The following AFAP1 variants were observed in gnomAD, a reference collection of about 807,000 sequenced individuals.
AFAP1 encodes actin filament associated protein 1.
Under a neutral mutation model 93.9 loss-of-function variants are expected in AFAP1, and 75 were observed. That is an observed-to-expected ratio of 0.80 (90% confidence interval 0.66 to 0.97). AFAP1 has a LOEUF of 0.97. AFAP1 is among the 50% of genes least tolerant of loss of function. The probability of loss-of-function intolerance (pLI) is 0.00; values close to 1 mark genes in which losing one functional copy is unlikely to be tolerated. For missense variants in AFAP1, 1,201 were observed against 1,050.8 expected (o/e 1.14, Z -1.98); for synonymous variants, 517 against 430.7 (o/e 1.20, Z -2.48).
At chr4:7,792,671 T>C (rs1011774648) in intron 11 of AFAP1, among the ~76,000 whole-genome samples, 2 of 152,152 alleles carry the variant, frequency 1.3e-5, no homozygotes, top group African/African-American at 4.8e-5. Flanking sequence ...ACAGGACCAC[T>C]GTCATTGGAC....
At chr4:7,917,575 G>A (rs773450872) in intron 1 of AFAP1, among the ~76,000 whole-genome samples, 1 of 152,146 alleles carries the variant, frequency 6.6e-6, no homozygotes, top group Non-Finnish European at 1.5e-5. Context: ...GATGCATGAA[G>A]AAGGCCGAAA....
Position 7,872,254 on chromosome 4 carries a change from T to C in AFAP1, c.-2-174A>G, listed in dbSNP as rs374377887. 73 of 717,646 alleles carry C rather than the reference T, an allele frequency of 1.0e-4. No homozygotes were observed. The East Asian group carries it at 1.8e-3, about 17-fold the overall frequency. 44.5% of individuals were successfully genotyped at this position (717,646 alleles called of 1,614,324 possible). On this transcript the variant is annotated intron_variant, in intron 1 of 17. Coordinates refer to ENST00000420658, the MANE Select transcript of AFAP1 (RefSeq NM_001134647.2). ...TCCACTAAAAGATTCAGGCGTCTTCTTCTTAACAAATGCACTACTCCTTTG... is the reference window on the plus strand; with the variant it reads ...TCCACTAAAAGATTCAGGCGTCTTCCTCTTAACAAATGCACTACTCCTTTG...
intron 3 of AFAP1, among the ~76,000 whole-genome samples, chr4:7,860,853 G>A (rs1715592222): frequency 1.3e-5 from 2 of 152,250 alleles, no homozygotes; most frequent in Middle Eastern, 6.8e-3. Context: ...TCATTTCTTA[G>A]GAAGACTCTC....
chr4:7,911,006 C>T (rs1163251393), intron 1 of AFAP1, among the ~76,000 whole-genome samples: 1 of 152,176 alleles, frequency 6.6e-6, no homozygotes, highest in Non-Finnish European at 1.5e-5. Flanking sequence ...CAGCATTCCC[C>T]AGAAAGCTAT....
intron 12 of AFAP1, among the ~76,000 whole-genome samples, 184 bp from the exon 13 acceptor site, chr4:7,781,811 TAC>T (rs1359902360): frequency 1.3e-5 from 2 of 151,788 alleles, no homozygotes; most frequent in Non-Finnish European, 2.9e-5. Context: ...CCCACACACA[TAC>T]ACACACAGAC....
chr4:7,863,869 A>G (rs1237758746), intron 3 of AFAP1, among the ~76,000 whole-genome samples: 2 of 152,230 alleles, frequency 1.3e-5, no homozygotes, highest in Non-Finnish European at 2.9e-5. Flanking sequence ...GTTGTGCTTC[A>G]ACGCATGGGA....
chr4:7,775,133 C>T (rs548245155), intron 14 of AFAP1: 5 of 458,204 alleles, frequency 1.1e-5, no homozygotes, highest in South Asian at 4.3e-5. Context: ...AGTGAGACCC[C>T]GTGTCAAAAA....
chr4:7,894,524 C>T (rs1188376992), intron 1 of AFAP1, among the ~76,000 whole-genome samples: 21 of 152,178 alleles, frequency 1.4e-4, no homozygotes, highest in Admixed American at 1.4e-3. Context: ...AACCCCGGGA[C>T]TCTGTTAGCT....
At chr4:7,924,609 T>C (rs545395152) in intron 1 of AFAP1, among the ~76,000 whole-genome samples, 16 of 152,312 alleles carry the variant, frequency 1.1e-4, no homozygotes, top group African/African-American at 3.6e-4. Flanking sequence ...TGTATCCAAT[T>C]TGTCATTTGA....
chr4:7,786,198 C>G lies in AFAP1; in HGVS notation c.1526G>C (p.Gly509Ala), dbSNP rs762091713. 2 of 1,613,424 alleles carry G rather than the reference C, an allele frequency of 1.2e-6. No individual in the cohort carries two copies. The highest frequency in any genetic ancestry group is 4.5e-5 in the East Asian group (2 of 44,866). Residue 509 changes from glycine (G) to alanine (A), a missense_variant, in exon 12 of 18, where the codon GGC (glycine) becomes GCC (alanine). By Grantham distance (60) the Gly-to-Ala change is moderately conservative. Transcript: ENST00000420658. ...CTCCAAAAAAAGGGCACTCACCGAGCCGTTGATGCACGGGACATCGTCATA... is the reference window on the plus strand; with the variant it reads ...CTCCAAAAAAAGGGCACTCACCGAGGCGTTGATGCACGGGACATCGTCATA... ...LHYDDVPCINGSWEPEDGFPA... is the reference protein window; with the variant it reads ...LHYDDVPCINASWEPEDGFPA...
At chr4:7,887,465 T>C (rs966412727) in intron 1 of AFAP1, among the ~76,000 whole-genome samples, 3 of 152,250 alleles carry the variant, frequency 2.0e-5, no homozygotes, top group African/African-American at 7.2e-5. Context: ...TCTCTGATTT[T>C]CTACTCTGAC....
intron 6 of AFAP1, among the ~76,000 whole-genome samples, chr4:7,820,892 G>A (rs554571932): frequency 2.0e-5 from 3 of 152,266 alleles, no homozygotes; most frequent in African/African-American, 7.2e-5. Context: ...GCTGAGGTGG[G>A]CGGATCACCA....
intron 1 of AFAP1, among the ~76,000 whole-genome samples, chr4:7,877,117 GT>G (rs1010468199): frequency 6.6e-6 from 1 of 152,086 alleles, no homozygotes; most frequent in Non-Finnish European, 1.5e-5. Flanking sequence ...TTTTTGTGGG[GT>G]TTTTTTCCCT....
At position 7,856,308 on chromosome 4, in the gene AFAP1, T is replaced by A. The variant is rs184242052; in HGVS notation, c.226-734A>T. ...CCCAGGCTGGAGTGCAGTGGCGCAA[T>A]CTCTGCTCACTGCAAGCTCTGCCTC... On this transcript the variant is annotated intron_variant, in intron 3 of 17. Transcript: ENST00000420658. Among the ~76,000 whole-genome samples the A allele has an allele frequency of 3.8e-3, 583 of 152,090 alleles. 7 individuals carry two copies. Among genetic ancestry groups the A allele is most frequent in the African/African-American group, 0.013 (548 of 41,474 alleles).
At chr4:7,804,868 C>T (rs996069583) in intron 9 of AFAP1, among the ~76,000 whole-genome samples, 1 of 152,182 alleles carries the variant, frequency 6.6e-6, no homozygotes, top group East Asian at 1.9e-4. Context: ...GCAAGAGGGG[C>T]ATCAAGAAGC....
chr4:7,792,409 G>A (rs967665321), intron 11 of AFAP1, among the ~76,000 whole-genome samples: 3 of 152,068 alleles, frequency 2.0e-5, no homozygotes, highest in African/African-American at 7.2e-5. Flanking sequence ...CTGAGTAGCC[G>A]GCAAGCTCAC....
intron 10 of AFAP1, among the ~76,000 whole-genome samples, chr4:7,799,936 T>C (rs1718863372): frequency 6.6e-6 from 1 of 152,192 alleles, no homozygotes; most frequent in African/African-American, 2.4e-5. Flanking sequence ...GTCTGTGTCA[T>C]GTGGCTCACT....
chr4:7,837,898 A>C (rs1712503675), intron 6 of AFAP1, among the ~76,000 whole-genome samples: 1 of 152,086 alleles, frequency 6.6e-6, no homozygotes, highest in Non-Finnish European at 1.5e-5. Flanking sequence ...ATGTCATGCG[A>C]GCTAACTTGG....
At chr4:7,825,599 A>C (rs114885688) in intron 6 of AFAP1, among the ~76,000 whole-genome samples, 3,521 of 152,324 alleles carry the variant, frequency 0.023, 53 homozygotes, top group Non-Finnish European at 0.037. Flanking sequence ...CTGTGTGTAG[A>C]ATGAGACATG....
Sources: gnomAD v4.1 joint callset for allele counts (sites outside exome capture counted in the v4.1 genomes callset) on GRCh38, gnomAD v4.1.1 for gene constraint, MANE v1.5 for transcripts, NCBI Gene and HGNC (gene_info 2026-07-23, HGNC 2026-07-21) for gene names.